The following MAST4 variants were observed in gnomAD, a reference collection of about 807,000 sequenced individuals.
MAST4 encodes microtubule associated serine/threonine kinase family member 4.
A neutral mutation model predicts 162.7 loss-of-function variants in MAST4; 89 were observed. The ratio of observed to expected loss-of-function variants is 0.55; its 90% CI spans 0.46 to 0.65. MAST4 has a LOEUF of 0.65. Among genes scored for constraint, MAST4 ranks in the 30% least tolerant of loss-of-function variants. MAST4 has a pLI of 0.00. For synonymous variants in MAST4, 1,479 were observed against 1,361.1 expected, an observed-to-expected ratio of 1.09 and a Z score of -1.91; for missense variants, 3,153 against 3,374.0, an observed-to-expected ratio of 0.93 and a Z score of 1.62.
intron 13 of MAST4, among the ~76,000 whole-genome samples, chr5:67,120,602 A>G (rs1767461463): frequency 1.3e-5 from 2 of 152,342 alleles, no homozygotes; most frequent in South Asian, 4.1e-4. Flanking sequence ...AGATTGCCAC[A>G]GGAATGAAAG....
At chr5:67,081,027 T>C (rs7700548) in intron 5 of MAST4, among the ~76,000 whole-genome samples, 1 of 133,294 alleles carries the variant, frequency 7.5e-6, no homozygotes, top group East Asian at 2.0e-4. Flanking sequence ...TTGTATATAT[T>C]ATATAATATA....
At chr5:66,673,344 C>T (rs905250891) in intron 1 of MAST4, among the ~76,000 whole-genome samples, 2 of 151,894 alleles carry the variant, frequency 1.3e-5, no homozygotes, top group African/African-American at 4.8e-5. Flanking sequence ...GATTCTTAGC[C>T]AATTACCTGT....
At chr5:66,628,730 T>C (rs1166890934) in intron 1 of MAST4, among the ~76,000 whole-genome samples, 2 of 152,112 alleles carry the variant, frequency 1.3e-5, no homozygotes, top group Non-Finnish European at 2.9e-5. Flanking sequence ...AAAACTTGCT[T>C]CTGGATTTCG....
intron 1 of MAST4, among the ~76,000 whole-genome samples, chr5:66,754,404 T>C (rs1302685190): frequency 1.3e-5 from 2 of 152,228 alleles, no homozygotes; most frequent in Non-Finnish European, 2.9e-5. Flanking sequence ...AACCTAAGGG[T>C]CTTTTCCACA....
chr5:66,886,201 C>T (rs923602275), intron 3 of MAST4, among the ~76,000 whole-genome samples: 3 of 152,184 alleles, frequency 2.0e-5, no homozygotes, highest in Non-Finnish European at 4.4e-5. Context: ...GTGAGTAGGC[C>T]ACTTAATTCA....
At chr5:66,775,501 C>A (rs1008689792) in intron 2 of MAST4, among the ~76,000 whole-genome samples, 2 of 152,116 alleles carry the variant, frequency 1.3e-5, no homozygotes, top group Non-Finnish European at 2.9e-5. Flanking sequence ...AGCCCTACAC[C>A]TACCATTAAT....
At chr5:67,021,188 G>A (rs1012764735) in intron 4 of MAST4, among the ~76,000 whole-genome samples, 2 of 152,186 alleles carry the variant, frequency 1.3e-5, no homozygotes, top group African/African-American at 2.4e-5. Flanking sequence ...CTGGAGTATA[G>A]CCAAGGCCTT....
At chr5:66,969,055 A>G (rs1314208783) in intron 4 of MAST4, among the ~76,000 whole-genome samples, 1 of 152,222 alleles carries the variant, frequency 6.6e-6, no homozygotes, top group Non-Finnish European at 1.5e-5. Context: ...TAGGTACTAA[A>G]TAAATTATTT....
At chr5:67,045,716 G>A (rs554075608) in intron 4 of MAST4, among the ~76,000 whole-genome samples, 1 of 152,298 alleles carries the variant, frequency 6.6e-6, no homozygotes, top group East Asian at 1.9e-4. Flanking sequence ...AAGTTGCTCT[G>A]TATATACGCT....
At chr5:66,876,405 C>T (rs934603998) in intron 3 of MAST4, among the ~76,000 whole-genome samples, 1 of 152,002 alleles carries the variant, frequency 6.6e-6, no homozygotes, top group African/African-American at 2.4e-5. Flanking sequence ...TCGGTTGGGC[C>T]AGGAGATAGG....
chr5:66,925,283 A>T (rs1334139882), intron 4 of MAST4, among the ~76,000 whole-genome samples: 1 of 152,200 alleles, frequency 6.6e-6, no homozygotes. Flanking sequence ...GGTCATGTGT[A>T]GTTGTTTAAG....
intron 13 of MAST4, among the ~76,000 whole-genome samples, chr5:67,119,804 A>G (rs899627539): frequency 3.3e-5 from 5 of 152,096 alleles, no homozygotes; most frequent in African/African-American, 1.2e-4. Context: ...GTGACTTAGG[A>G]GTCATCCATG....
At chr5:67,113,971 A>G (rs945138782) in intron 11 of MAST4, 116 bp from the exon 12 acceptor site, 5 of 1,144,442 alleles carry the variant, frequency 4.4e-6, no homozygotes, top group Admixed American at 4.6e-5. Context: ...TCCTTTCTGC[A>G]TAAGTAACTT....
intron 4 of MAST4, among the ~76,000 whole-genome samples, chr5:67,009,670 C>A (rs1308990873): frequency 6.6e-6 from 1 of 152,108 alleles, no homozygotes; most frequent in Non-Finnish European, 1.5e-5. Context: ...GCTGTCATTA[C>A]AAATGAAGAT....
intron 8 of MAST4, among the ~76,000 whole-genome samples, chr5:67,100,886 A>G (rs1171954785): frequency 1.3e-5 from 2 of 152,254 alleles, no homozygotes; most frequent in Non-Finnish European, 2.9e-5. Flanking sequence ...GTGCAAAAGC[A>G]GTTAATGTTG....
intron 4 of MAST4, among the ~76,000 whole-genome samples, chr5:67,038,219 T>G (rs996985823): frequency 1.4e-5 from 2 of 145,488 alleles, no homozygotes; most frequent in African/African-American, 5.1e-5. Flanking sequence ...CTGCTTTATC[T>G]TTATTTTTGC....
At chr5:67,000,621 G>A (rs1423790329) in intron 4 of MAST4, among the ~76,000 whole-genome samples, 1 of 152,142 alleles carries the variant, frequency 6.6e-6, no homozygotes, top group Admixed American at 6.5e-5. Flanking sequence ...GGTGGCGACT[G>A]CCTGTAATCC....
intron 1 of MAST4, among the ~76,000 whole-genome samples, chr5:66,661,139 A>G (rs1194191646): frequency 6.6e-6 from 1 of 152,200 alleles, no homozygotes; most frequent in Non-Finnish European, 1.5e-5. Context: ...ACGTGAACAT[A>G]GTGGCTTTAC....
intron 1 of MAST4, among the ~76,000 whole-genome samples, chr5:66,750,332 C>G (rs1040226362): frequency 6.6e-6 from 1 of 152,180 alleles, no homozygotes; most frequent in Non-Finnish European, 1.5e-5. Flanking sequence ...GTCTACAGCT[C>G]CCAGCGTGAG....
Sources: allele counts gnomAD v4.1 joint callset (sites outside exome capture counted in the v4.1 genomes callset), GRCh38; gene constraint gnomAD v4.1.1; transcripts MANE v1.5; gene names NCBI Gene and HGNC (gene_info 2026-07-23, HGNC 2026-07-21).